Variants in CDKAL1 observed in about 807,000 individuals in gnomAD.
CDKAL1 encodes CDKAL1 threonylcarbamoyladenosine tRNA methylthiotransferase, also known as threonylcarbamoyladenosine tRNA methylthiotransferase.
CDKAL1 carries 32 observed loss-of-function variants against 68.2 expected under a neutral mutation model. The observed-to-expected ratio is 0.47, with a 90% CI of 0.35 to 0.63. The LOEUF is 0.63. CDKAL1 is among the 30% of genes least tolerant of loss of function. The pLI is 0.00. For synonymous variants in CDKAL1, 234 were observed against 244.3 expected (o/e 0.96, Z 0.39); for missense variants, 606 against 696.7 (o/e 0.87, Z 1.47).
chr6:21,184,718 A>G (rs1428165876), intron 13 of CDKAL1, among the ~76,000 whole-genome samples: 1 of 151,980 alleles, frequency 6.6e-6, no homozygotes, highest in Non-Finnish European at 1.5e-5. Context: ...TGGCACATTC[A>G]TAGCTCACTG....
intron 15 of CDKAL1, among the ~76,000 whole-genome samples, chr6:21,213,837 C>T (rs1228093444): frequency 6.6e-6 from 1 of 152,176 alleles, no homozygotes; most frequent in Non-Finnish European, 1.5e-5. Context: ...CGTATATAGC[C>T]AACAGAAGGG....
chr6:20,857,438 T>A (rs1759393790), intron 9 of CDKAL1, among the ~76,000 whole-genome samples: 1 of 152,236 alleles, frequency 6.6e-6, no homozygotes, highest in Non-Finnish European at 1.5e-5. Flanking sequence ...GGAAGAGGAA[T>A]GATGATGAGA....
chr6:20,597,253 C>T (rs932140556), intron 4 of CDKAL1, among the ~76,000 whole-genome samples: 6 of 151,074 alleles, frequency 4.0e-5, no homozygotes, highest in East Asian at 2.0e-4. Flanking sequence ...CTCAGCCTCC[C>T]GAGTAGCTGG....
At chr6:21,182,978 CT>C (rs1777849532) in intron 13 of CDKAL1, among the ~76,000 whole-genome samples, 1 of 152,144 alleles carries the variant, frequency 6.6e-6, no homozygotes, top group Admixed American at 6.5e-5. Context: ...TGATGGGCCC[CT>C]GACCATCTCT....
chr6:21,146,039 G>C (rs1333401283), intron 13 of CDKAL1, among the ~76,000 whole-genome samples: 1 of 152,206 alleles, frequency 6.6e-6, no homozygotes, highest in Non-Finnish European at 1.5e-5. Flanking sequence ...ATTAATTCAT[G>C]TGAAAACTGG....
chr6:20,905,766 A>G (rs1052621027), intron 9 of CDKAL1, among the ~76,000 whole-genome samples: 1 of 152,222 alleles, frequency 6.6e-6, no homozygotes, highest in Non-Finnish European at 1.5e-5. Flanking sequence ...TGGAGCCCAG[A>G]AGCCAGTGGG....
intron 9 of CDKAL1, among the ~76,000 whole-genome samples, chr6:20,951,954 TTTC>T (rs1764544974): frequency 8.7e-6 from 1 of 115,112 alleles, no homozygotes; most frequent in Non-Finnish European, 1.6e-5. Context: ...TCTTTTTCAT[TTTC>T]TTTTTTTTTT....
At chr6:20,700,548 G>C (rs1311886658) in intron 5 of CDKAL1, among the ~76,000 whole-genome samples, 1 of 152,078 alleles carries the variant, frequency 6.6e-6, no homozygotes. Context: ...GCAGAAACTA[G>C]AACAGAAGTT....
chr6:20,694,504 G>A (rs1405542775), intron 5 of CDKAL1, among the ~76,000 whole-genome samples: 1 of 152,134 alleles, frequency 6.6e-6, no homozygotes, highest in Non-Finnish European at 1.5e-5. Context: ...CTTGCATATT[G>A]TCCATGTCTG....
At chr6:20,929,878 C>T (rs891977061) in intron 9 of CDKAL1, among the ~76,000 whole-genome samples, 1 of 152,198 alleles carries the variant, frequency 6.6e-6, no homozygotes, top group African/African-American at 2.4e-5. Context: ...GGCTCAGAGA[C>T]TTAGCACATT....
chr6:20,672,224 TTTC>T (rs1333219274), intron 5 of CDKAL1, among the ~76,000 whole-genome samples: 3 of 137,448 alleles, frequency 2.2e-5, no homozygotes, highest in Non-Finnish European at 3.2e-5. Context: ...TCTTCCTTTC[TTTC>T]TTTTCTTTCT....
At chr6:21,011,093 A>T (rs889277288) in intron 11 of CDKAL1, among the ~76,000 whole-genome samples, 4 of 144,624 alleles carry the variant, frequency 2.8e-5, no homozygotes, top group Non-Finnish European at 4.5e-5. Flanking sequence ...AAAAAAAAAA[A>T]AAAAGCCAGG....
intron 12 of CDKAL1, among the ~76,000 whole-genome samples, chr6:21,080,287 A>C (rs1772317336): frequency 1.3e-5 from 2 of 152,172 alleles, no homozygotes; most frequent in Admixed American, 1.3e-4. Flanking sequence ...GAAATAGAGA[A>C]TCTAACAAAC....
At chr6:21,000,598 A>G (rs1767377494) in intron 11 of CDKAL1, among the ~76,000 whole-genome samples, 1 of 152,128 alleles carries the variant, frequency 6.6e-6, no homozygotes, top group African/African-American at 2.4e-5. Flanking sequence ...TAATTTGTGT[A>G]AGATTGCCAG....
At chr6:20,775,910 G>A (rs1295876315) in intron 7 of CDKAL1, among the ~76,000 whole-genome samples, 1 of 151,890 alleles carries the variant, frequency 6.6e-6, no homozygotes, top group African/African-American at 2.4e-5. Flanking sequence ...TTTTATTGTT[G>A]AAATTCCCTC....
chr6:21,133,153 G>T (rs950809335), intron 13 of CDKAL1, among the ~76,000 whole-genome samples: 12 of 152,128 alleles, frequency 7.9e-5, no homozygotes, highest in Non-Finnish European at 1.5e-4. Context: ...TTATAATAAA[G>T]CCTGTGCAAA....
chr6:20,957,830 G>A (rs927586603), intron 10 of CDKAL1, among the ~76,000 whole-genome samples: 1 of 152,058 alleles, frequency 6.6e-6, no homozygotes. Context: ...AATTAGCTGG[G>A]TGGAGTGATA....
chr6:21,014,139 C>CA lies in CDKAL1; in HGVS notation c.1055+13768dup, dbSNP rs535061646. ...GTCTTTGAAATTGTACAGGACACTT[C>CA]ACTTATATCTCACTGATTAGAACAT... On this transcript the variant is annotated intron_variant, in intron 11 of 15. Coordinates refer to ENST00000274695, the MANE Select transcript of CDKAL1 (RefSeq NM_017774.3). Among the ~76,000 whole-genome samples the CA allele has an allele frequency of 1.4e-3, 215 of 152,318 alleles. 1 individual carries two copies. Among genetic ancestry groups the CA allele is most frequent in the Non-Finnish European group, 2.5e-3 (171 of 68,036 alleles).
chr6:21,068,102 G>A (rs971253833), intron 12 of CDKAL1, among the ~76,000 whole-genome samples: 2 of 152,006 alleles, frequency 1.3e-5, no homozygotes, highest in Non-Finnish European at 2.9e-5. Context: ...AGTTATTTAC[G>A]TATTCTGGCT....
Sources: gnomAD v4.1 joint callset for allele counts (sites outside exome capture counted in the v4.1 genomes callset) on GRCh38, gnomAD v4.1.1 for gene constraint, MANE v1.5 for transcripts, NCBI Gene and HGNC (gene_info 2026-07-23, HGNC 2026-07-21) for gene names.